HUNK: variants seen among roughly 807,000 people sequenced by gnomAD.
HUNK encodes hormonally up-regulated Neu-associated kinase, also known as hormonally up-regulated neu tumor-associated kinase.
In HUNK, 21 loss-of-function variants were observed where a neutral mutation model predicts 61.0. That is an observed-to-expected ratio of 0.34 (90% CI 0.24 to 0.50). HUNK has a LOEUF of 0.50. Ranked by LOEUF, HUNK falls within the 20% of genes least tolerant of loss-of-function variation. The probability of loss-of-function intolerance (pLI) is 0.98; values close to 1 mark genes in which losing one functional copy is unlikely to be tolerated. For synonymous variants in HUNK, 371 were observed against 386.1 expected, an observed-to-expected ratio of 0.96 and a Z score of 0.46; for missense variants, 772 against 945.7, an observed-to-expected ratio of 0.82 and a Z score of 2.41.
intron 3 of HUNK, among the ~76,000 whole-genome samples, chr21:31,940,785 A>T (rs1568930329): frequency 6.6e-6 from 1 of 152,206 alleles, no homozygotes; most frequent in Non-Finnish European, 1.5e-5. Flanking sequence ...AGACGAATTC[A>T]GGTGGTTCTG....
At chr21:31,939,717 GT>G (rs369967151) in intron 2 of HUNK, among the ~76,000 whole-genome samples, 1,801 of 130,454 alleles carry the variant, frequency 0.014, 21 homozygotes, top group African/African-American at 0.041. Context: ...CTCATGTGTT[GT>G]TTTTTTTTTT....
intron 7 of HUNK, among the ~76,000 whole-genome samples, chr21:31,981,887 ATATTTT>A (rs995325215): frequency 2.8e-4 from 42 of 151,970 alleles, no homozygotes; most frequent in African/African-American, 9.7e-4. Flanking sequence ...AATTTCCCAA[ATATTTT>A]TATTTTTATT....
At chr21:31,939,736 T>A (rs1018321292) in intron 2 of HUNK, among the ~76,000 whole-genome samples, 4 of 139,618 alleles carry the variant, frequency 2.9e-5, no homozygotes, top group African/African-American at 8.8e-5. Flanking sequence ...TTTTTTTTTT[T>A]AAATTGCTTC....
chr21:31,987,496 G>A (rs1033245912), intron 8 of HUNK, among the ~76,000 whole-genome samples: 4 of 152,200 alleles, frequency 2.6e-5, no homozygotes, highest in African/African-American at 7.2e-5. Flanking sequence ...AGTGTGTGTC[G>A]GAAGGGGCCA....
chr21:31,954,791 T>C (rs1601396446), intron 4 of HUNK, among the ~76,000 whole-genome samples: 1 of 152,282 alleles, frequency 6.6e-6, no homozygotes, highest in East Asian at 1.9e-4. Flanking sequence ...TTCTTTTCTT[T>C]TTTTTTAAGA....
intron 1 of HUNK, among the ~76,000 whole-genome samples, chr21:31,900,406 T>G (rs1163902815): frequency 6.6e-6 from 1 of 150,600 alleles, no homozygotes; most frequent in African/African-American, 2.5e-5. Flanking sequence ...CCTCCCAGGT[T>G]GCAGGATTAT....
chr21:32,002,211 C>T lies in HUNK; in HGVS notation c.*3027C>T, dbSNP rs1444265030. 1 of 152,272 alleles carries T rather than the reference C, an allele frequency of 6.6e-6. No homozygotes were observed. Among genetic ancestry groups the T allele is most frequent in the African/African-American group, 2.4e-5 (1 of 41,440 alleles). 9.4% of individuals were successfully genotyped at this position (152,272 alleles called of 1,614,324 possible). On this transcript the variant is annotated 3_prime_UTR_variant, in exon 11 of 11. Coordinates refer to ENST00000270112, the MANE Select transcript of HUNK (RefSeq NM_014586.2). ...CAAGTGATCCTCCCATCTCAGCCTCCCAAGTAGCTGGGACTACAGTTGTGC... is the reference window on the plus strand; with the variant it reads ...CAAGTGATCCTCCCATCTCAGCCTCTCAAGTAGCTGGGACTACAGTTGTGC...
At chr21:31,890,901 C>T (rs1256587567) in intron 1 of HUNK, among the ~76,000 whole-genome samples, 1 of 151,876 alleles carries the variant, frequency 6.6e-6, no homozygotes, top group African/African-American at 2.4e-5. Context: ...CCCTATCTTT[C>T]TCCTGTTTAT....
chr21:31,951,498 G>A (rs1568932971), intron 4 of HUNK, among the ~76,000 whole-genome samples: 1 of 152,116 alleles, frequency 6.6e-6, no homozygotes, highest in Non-Finnish European at 1.5e-5. Flanking sequence ...GATTGAGAAT[G>A]CAACGTTGTT....
intron 4 of HUNK, among the ~76,000 whole-genome samples, chr21:31,956,881 C>T (rs540832160): frequency 4.6e-5 from 7 of 152,168 alleles, no homozygotes; most frequent in African/African-American, 9.7e-5. Context: ...CCCTGGGGTA[C>T]GTTTTCCACT....
Position 31,873,085 on chromosome 21 carries a change from G to A in HUNK, c.-590G>A, listed in dbSNP as rs572090768. 6.6e-6 allele frequency among the ~76,000 whole-genome samples: 1 copy of A among 152,268 alleles called. No homozygotes were observed. Among genetic ancestry groups the A allele is most frequent in the Non-Finnish European group, 1.5e-5 (1 of 68,010 alleles). ...GCATCTGTTCCCGCCGCCCGCGAGC[G>A]GATTAAATTTCTGCAAATTCAAACT... On this transcript the variant is annotated 5_prime_UTR_variant, in exon 1 of 11. Coordinates refer to ENST00000270112, the MANE Select transcript of HUNK (RefSeq NM_014586.2). The surrounding 1 kb of genome is among the most constrained non-coding windows in gnomAD (Gnocchi z 6.1).
Position 31,899,962 on chromosome 21 carries a change from A to G in HUNK, c.262-24506A>G, listed in dbSNP as rs1448287231. 3.3e-5 allele frequency among the ~76,000 whole-genome samples: 5 copies of G among 152,102 alleles called. No homozygotes were observed. The East Asian group carries it at 9.7e-4, about 29-fold the overall frequency. ...CTAGCTAATTTCTTTTTAAATGGAG[A>G]CGGAGTTTCACCATGTTGGCCAGGT... On this transcript the variant is annotated intron_variant, in intron 1 of 10. Coordinates refer to ENST00000270112, the MANE Select transcript of HUNK (RefSeq NM_014586.2).
intron 5 of HUNK, among the ~76,000 whole-genome samples, chr21:31,959,538 T>C (rs2052913368): frequency 6.6e-6 from 1 of 152,210 alleles, no homozygotes; most frequent in African/African-American, 2.4e-5. Context: ...CTGGTTCACA[T>C]TTCAGTAAAC....
intron 1 of HUNK, among the ~76,000 whole-genome samples, chr21:31,879,819 G>A (rs1334520164): frequency 2.0e-5 from 3 of 152,144 alleles, no homozygotes; most frequent in South Asian, 2.1e-4. Context: ...CATTTGCCTT[G>A]GGACATATAT....
chr21:31,966,390 A>G (rs1011533186), intron 5 of HUNK, among the ~76,000 whole-genome samples: 3 of 152,188 alleles, frequency 2.0e-5, no homozygotes, highest in African/African-American at 7.2e-5. Context: ...TGCTATAAAC[A>G]TGTGTGCAAG....
In HUNK at chr21:32,000,555, T is replaced by G. The variant is rs570455898; in HGVS notation, c.*1371T>G. 1 of 399,048 alleles carries G rather than the reference T, an allele frequency of 2.5e-6. No individual in the cohort carries two copies. The highest frequency in any genetic ancestry group is 4.4e-5 in the Admixed American group (1 of 22,716). The allele number at this position is 399,048 out of a possible 1,614,324, so 24.7% of individuals were successfully genotyped here. ...CCCATCAGCACAGGTTGGATAGGGGTTAGTGTAGGAGACCAGTTACAGAAT... is the reference window on the plus strand; with the variant it reads ...CCCATCAGCACAGGTTGGATAGGGGGTAGTGTAGGAGACCAGTTACAGAAT... On this transcript the variant is annotated 3_prime_UTR_variant, in exon 11 of 11. Transcript: ENST00000270112.
intron 5 of HUNK, among the ~76,000 whole-genome samples, chr21:31,959,366 C>T (rs1391026041): frequency 6.6e-6 from 1 of 152,156 alleles, no homozygotes. Context: ...CTTCTTTCTG[C>T]AATTACTGTC....
intron 1 of HUNK, among the ~76,000 whole-genome samples, chr21:31,887,387 T>G (rs1371075104): frequency 2.6e-5 from 4 of 152,224 alleles, no homozygotes; most frequent in Admixed American, 2.6e-4. Flanking sequence ...TCTTTGACTG[T>G]AATTTTTTTA....
intron 4 of HUNK, among the ~76,000 whole-genome samples, chr21:31,948,675 A>T (rs981340165): frequency 2.0e-5 from 3 of 152,262 alleles, no homozygotes; most frequent in Admixed American, 6.5e-5. Context: ...GGAGGAAGGA[A>T]GAGAAAAGGG....
Sources: allele counts gnomAD v4.1 joint callset (sites outside exome capture counted in the v4.1 genomes callset), GRCh38; gene constraint gnomAD v4.1.1; non-coding constraint Gnocchi (gnomAD v3.1); transcripts MANE v1.5; gene names NCBI Gene and HGNC (gene_info 2026-07-23, HGNC 2026-07-21).